The following MROH9 variants were observed in gnomAD, a reference collection of about 807,000 sequenced individuals.
The protein encoded by MROH9 is maestro heat-like repeat-containing protein family member 9.
MROH9 carries 92 observed loss-of-function variants against 98.2 expected under a neutral mutation model. The observed-to-expected ratio is 0.94, with a 90% confidence interval of 0.79 to 1.11. The LOEUF (loss-of-function observed/expected upper bound fraction) is 1.11. Ranked by LOEUF, MROH9 falls within the 50% of genes most tolerant of loss-of-function variation. The probability of loss-of-function intolerance (pLI) is 0.00; values close to 1 mark genes in which losing one functional copy is unlikely to be tolerated. For synonymous variants in MROH9, 397 were observed against 368.9 expected (o/e 1.08, Z -0.87); for missense variants, 1,057 against 1,014.8 (o/e 1.04, Z -0.57).
chr1:170,960,711 CT>C (rs1649985021), intron 5 of MROH9, among the ~76,000 whole-genome samples: 1 of 152,208 alleles, frequency 6.6e-6, no homozygotes, highest in South Asian at 2.1e-4. Flanking sequence ...CAGTCTCCAC[CT>C]TCTGGACTCA....
At chr1:171,011,159 G>T (rs1423590256) in intron 15 of MROH9, among the ~76,000 whole-genome samples, 1 of 152,162 alleles carries the variant, frequency 6.6e-6, no homozygotes, top group Non-Finnish European at 1.5e-5. Context: ...GAGACAGACA[G>T]CGAGACAGAT....
Position 170,996,419 on chromosome 1 carries a change from CA to C in MROH9, c.1338-86del. ...CCTTTCTCAAAACCTATATTCTGCC[CA>C]AGATGGGATTAAAAGGCAGGTAATG... On this transcript the variant is annotated intron_variant, in intron 13 of 21. Coordinates refer to ENST00000367759, the MANE Select transcript of MROH9 (RefSeq NM_001163629.2). 2.7e-6 allele frequency: 4 copies of C among 1,458,538 alleles called. No individual in the cohort carries two copies. In the South Asian group the frequency reaches 5.2e-5, roughly 19 times the overall value. 90.3% of individuals were successfully genotyped at this position (1,458,538 alleles called of 1,614,324 possible).
At chr1:171,017,322 G>A (rs1029967491) in intron 17 of MROH9, among the ~76,000 whole-genome samples, 1 of 152,194 alleles carries the variant, frequency 6.6e-6, no homozygotes, top group African/African-American at 2.4e-5. Context: ...GTGGTGTGGA[G>A]GCCTACCTGA....
chr1:170,981,334 A>G (rs558111327), intron 8 of MROH9, among the ~76,000 whole-genome samples: 4 of 152,330 alleles, frequency 2.6e-5, no homozygotes, highest in South Asian at 4.1e-4. Context: ...AGCACTATTT[A>G]CAATGACAAA....
At chr1:170,939,966 C>T (rs976514291) in intron 1 of MROH9, among the ~76,000 whole-genome samples, 3 of 152,202 alleles carry the variant, frequency 2.0e-5, no homozygotes, top group African/African-American at 7.2e-5. Flanking sequence ...GGATCTGCTG[C>T]ATCCTATTGT....
chr1:171,010,115 A>G (rs1360496271), intron 15 of MROH9, among the ~76,000 whole-genome samples: 1 of 152,024 alleles, frequency 6.6e-6, no homozygotes, highest in Non-Finnish European at 1.5e-5. Flanking sequence ...AACTCCCTGA[A>G]AGGCCCCAGT....
At chr1:171,026,185 G>C (rs1192237169) in intron 20 of MROH9, among the ~76,000 whole-genome samples, 1 of 151,844 alleles carries the variant, frequency 6.6e-6, no homozygotes. Context: ...AGGAGGGGCA[G>C]AACACACACA....
chr1:170,993,246 C>T (rs1254780925), intron 12 of MROH9, among the ~76,000 whole-genome samples: 1 of 152,134 alleles, frequency 6.6e-6, no homozygotes, highest in Non-Finnish European at 1.5e-5. Context: ...TTTTTCCATT[C>T]AGTCCAAAGC....
rs140759608 is a variant in MROH9 at position 170,981,389 on chromosome 1, A to C, written c.617-2033A>C. On this transcript the variant is annotated intron_variant, in intron 8 of 21. Transcript: ENST00000367759. ...TGCCTATCCATGATAGACTGGATAA[A>C]GAAAATGTGGTACATATATACACTG... 9.7e-3 allele frequency among the ~76,000 whole-genome samples: 1,485 copies of C among 152,348 alleles called. 23 individuals carry two copies. The highest frequency in any genetic ancestry group is 0.034 in the African/African-American group (1,416 of 41,564).
At chr1:171,008,953 T>C (rs2101827004) in intron 15 of MROH9, among the ~76,000 whole-genome samples, 1 of 151,632 alleles carries the variant, frequency 6.6e-6, no homozygotes, top group Non-Finnish European at 1.5e-5. Flanking sequence ...GGGAAACATA[T>C]ACATATGCAC....
chr1:171,056,793 T>C lies in MROH9; in HGVS notation c.2282-5339T>C, dbSNP rs192357270. Among the ~76,000 whole-genome samples, 420 of 152,028 alleles carry C rather than the reference T, an allele frequency of 2.8e-3. 2 individuals are homozygous for C. Among genetic ancestry groups the C allele is most frequent in the African/African-American group, 9.6e-3 (397 of 41,484 alleles). Reference sequence around the variant, plus strand: ...TTTGCTGTTCTCCAGCCTCCTTGAGTGACATCTCCAGACGCAGGAGTAAAC... The same window carrying C: ...TTTGCTGTTCTCCAGCCTCCTTGAGCGACATCTCCAGACGCAGGAGTAAAC... On this transcript the variant is annotated intron_variant, in intron 20 of 21. Transcript: ENST00000367759.
chr1:170,984,291 C>T (rs545629696), intron 9 of MROH9, among the ~76,000 whole-genome samples: 19 of 152,332 alleles, frequency 1.2e-4, no homozygotes, highest in African/African-American at 4.6e-4. Context: ...GCAGTGTCTT[C>T]TTCCATGGCT....
intron 1 of MROH9, among the ~76,000 whole-genome samples, chr1:170,937,355 A>G (rs773001202): frequency 1.2e-4 from 19 of 152,220 alleles, no homozygotes; most frequent in Non-Finnish European, 2.5e-4. Context: ...TAGAATATGA[A>G]GTCATTGCAT....
intron 7 of MROH9, among the ~76,000 whole-genome samples, chr1:170,968,336 CA>C (rs1168242047): frequency 6.6e-6 from 1 of 152,136 alleles, no homozygotes; most frequent in Non-Finnish European, 1.5e-5. Context: ...TTTTCTTTTG[CA>C]AAAACCATTG....
rs748891805 is a variant in MROH9 at position 170,995,438 on chromosome 1, C to T, written c.1244C>T (p.Ala415Val). 4.3e-6 allele frequency: 7 copies of T among 1,613,284 alleles called. No homozygotes were observed. The highest frequency in any genetic ancestry group is 2.2e-5 in the South Asian group (2 of 91,068). ...CTGCCTCTTGGTTCCTACAGGAAAGCGGTGGCCCAGTATTTCCCCCAGCTC... is the reference window on the plus strand; with the variant it reads ...CTGCCTCTTGGTTCCTACAGGAAAGTGGTGGCCCAGTATTTCCCCCAGCTC... ...TFLPLGSYRK[A>V]VAQYFPQLLT... Residue 415 changes from alanine (A) to valine (V), a missense_variant, in exon 13 of 22, where the codon GCG (alanine) becomes GTG (valine). Transcript: ENST00000367759.
intron 8 of MROH9, among the ~76,000 whole-genome samples, chr1:170,982,172 G>A (rs914493219): frequency 3.9e-5 from 6 of 152,124 alleles, no homozygotes; most frequent in African/African-American, 1.2e-4. Context: ...ATTTGTAATA[G>A]CCTCAAACCG....
At chr1:170,997,488 A>G (rs78788163) in intron 14 of MROH9, among the ~76,000 whole-genome samples, 1,943 of 152,278 alleles carry the variant, frequency 0.013, 48 homozygotes, top group African/African-American at 0.045. Context: ...CTACTGAATC[A>G]GAATCTGCAT....
At chr1:171,017,475 G>T (rs1445574763) in intron 17 of MROH9, among the ~76,000 whole-genome samples, 2 of 152,206 alleles carry the variant, frequency 1.3e-5, no homozygotes, top group African/African-American at 4.8e-5. Flanking sequence ...CCCAAACACG[G>T]AGCTGCACAG....
chr1:170,963,272 C>T (rs1650097737), intron 6 of MROH9, among the ~76,000 whole-genome samples: 1 of 152,020 alleles, frequency 6.6e-6, no homozygotes, highest in South Asian at 2.1e-4. Context: ...ATCAAAACCA[C>T]AATGAGATAC....
Sources: gnomAD v4.1 joint callset for allele counts (sites outside exome capture counted in the v4.1 genomes callset) on GRCh38, gnomAD v4.1.1 for gene constraint, MANE v1.5 for transcripts, NCBI Gene and HGNC (gene_info 2026-07-23, HGNC 2026-07-21) for gene names.